Variants in GDI2 observed in about 807,000 individuals in gnomAD.
GDI2 encodes the protein rab GDP dissociation inhibitor beta.
GDI2 carries 22 observed loss-of-function variants against 54.2 expected under a neutral mutation model. The ratio of observed to expected loss-of-function variants is 0.41; its 90% CI spans 0.29 to 0.58. GDI2 has a LOEUF of 0.58. GDI2 is among the 20% of genes least tolerant of loss of function. The pLI is 0.35. For missense variants in GDI2, 422 were observed against 546.0 expected, an observed-to-expected ratio of 0.77 and a Z score of 2.26; for synonymous variants, 177 against 182.1, an observed-to-expected ratio of 0.97 and a Z score of 0.23.
chr10:5,794,811 G>C (rs944484642), intron 4 of GDI2, 74 bp downstream of exon 4: 1 of 1,013,206 alleles, frequency 9.9e-7, no homozygotes, highest in African/African-American at 1.6e-5. Flanking sequence ...TCCTCTCTAA[G>C]ACTCTTTTCC....
intron 7 of GDI2, among the ~76,000 whole-genome samples, chr10:5,770,232 G>C (rs1036646723): frequency 1.3e-5 from 2 of 152,196 alleles, no homozygotes; most frequent in South Asian, 2.1e-4. Context: ...AGAGAACGAG[G>C]AGTTATTACT....
chr10:5,810,956 T>C (rs1841470320), intron 1 of GDI2, among the ~76,000 whole-genome samples: 1 of 152,190 alleles, frequency 6.6e-6, no homozygotes, highest in African/African-American at 2.4e-5. Flanking sequence ...TCTTTAAAAG[T>C]AACAAGTTCC....
At chr10:5,798,873 G>A (rs1486100803) in intron 2 of GDI2, among the ~76,000 whole-genome samples, 3 of 4,650 alleles carry the variant, frequency 6.5e-4, no homozygotes, top group Non-Finnish European at 0.04. Flanking sequence ...TACTCAGAAG[G>A]CTGAGCATGA....
chr10:5,767,609 A>T (rs574025602), intron 8 of GDI2, among the ~76,000 whole-genome samples: 2 of 150,128 alleles, frequency 1.3e-5, no homozygotes. Flanking sequence ...TATATGGGGG[A>T]AAAAAAATCA....
intron 7 of GDI2, among the ~76,000 whole-genome samples, chr10:5,771,210 A>C (rs924618285): frequency 6.6e-6 from 1 of 152,152 alleles, no homozygotes; most frequent in African/African-American, 2.4e-5. Context: ...TTTCTCCTTG[A>C]ACAGATATAT....
At chr10:5,805,363 T>A (rs1223414903) in intron 1 of GDI2, among the ~76,000 whole-genome samples, 1 of 105,922 alleles carries the variant, frequency 9.4e-6, no homozygotes, top group African/African-American at 3.6e-5. Context: ...ATTTGCTCTT[T>A]AAAAAAAAAA....
chr10:5,802,790 G>A (rs908063389), intron 1 of GDI2, among the ~76,000 whole-genome samples: 4 of 152,158 alleles, frequency 2.6e-5, no homozygotes, highest in Middle Eastern at 3.4e-3. Flanking sequence ...TCCAAATAAC[G>A]GGTGAATGAA....
In GDI2 at chr10:5,794,188, AATATATATATATATAT is replaced by A. The variant is rs1165735549; in HGVS notation, c.388+681_388+696del. On this transcript the variant is annotated intron_variant, in intron 4 of 10. Transcript: ENST00000380191. ...TCTTTAAAAGAAAAAAAAAAAAAAA[AATATATATATATATAT>A]ATATATATATATATATATATATATA... 8.9e-3 allele frequency among the ~76,000 whole-genome samples: 355 copies of A among 40,070 alleles called. 4 individuals carry two copies. Among genetic ancestry groups the A allele is most frequent in the East Asian group, 0.028 (27 of 950 alleles). The allele number at this position is 40,070 out of a possible 152,430, so 26.3% of individuals were successfully genotyped here. A position where few individuals can be genotyped will look rare whatever the true frequency, so the allele number is the denominator to read the frequency against.
chr10:5,780,703 G>C (rs766313223), intron 6 of GDI2, among the ~76,000 whole-genome samples: 2 of 152,162 alleles, frequency 1.3e-5, no homozygotes, highest in East Asian at 1.9e-4. Context: ...TCAGTACAAA[G>C]AGATTGAACA....
intron 2 of GDI2, among the ~76,000 whole-genome samples, chr10:5,799,764 G>C (rs1841226490): frequency 1.3e-5 from 2 of 152,184 alleles, no homozygotes; most frequent in Non-Finnish European, 2.9e-5. Flanking sequence ...TGATATAATG[G>C]TATTATGCTT....
rs1841091565 is a variant in GDI2, at chr10:5,794,191, ATATATATATATATATATATATAT to A, written c.388+671_388+693del. Among the ~76,000 whole-genome samples the A allele has an allele frequency of 5.0e-3, 161 of 31,938 alleles. 13 individuals are homozygous for A. The highest frequency in any genetic ancestry group is 0.016 in the African/African-American group (126 of 7,926). 21.0% of individuals were successfully genotyped at this position (31,938 alleles called of 152,430 possible). A position where few individuals can be genotyped will look rare whatever the true frequency, so the allele number is the denominator to read the frequency against. On this transcript the variant is annotated intron_variant, in intron 4 of 10. Coordinates refer to ENST00000380191, the MANE Select transcript of GDI2 (RefSeq NM_001494.4). ...TTAAAAGAAAAAAAAAAAAAAAAAT[ATATATATATATATATATATATAT>A]ATATATATATATATATATAAAACTC...
chr10:5,807,120 G>A (rs1386739927), intron 1 of GDI2, among the ~76,000 whole-genome samples: 1 of 152,162 alleles, frequency 6.6e-6, no homozygotes, highest in Non-Finnish European at 1.5e-5. Flanking sequence ...TATTATAAAA[G>A]ACTGCTTCCA....
chr10:5,786,095 A>G, intron 4 of GDI2, 45 bp from the exon 5 acceptor site: 2 of 1,275,064 alleles, frequency 1.6e-6, no homozygotes, highest in South Asian at 1.2e-5. Flanking sequence ...ACAATCAGAC[A>G]TTGAGGAGAA....
rs1238961728 is a variant in GDI2 at position 5,766,827 on chromosome 10, C to A, written c.992-189G>T. Among the ~76,000 whole-genome samples the A allele has an allele frequency of 6.6e-6, 1 of 152,222 alleles. No homozygotes were observed. Among genetic ancestry groups the A allele is most frequent in the Non-Finnish European group, 1.5e-5 (1 of 68,030 alleles). Reference sequence around the variant, plus strand: ...CACAGATATTTAACAATAGGAATTTCTTTTAACCTACTAGAGATTAAGAAT... The same window carrying A: ...CACAGATATTTAACAATAGGAATTTATTTTAACCTACTAGAGATTAAGAAT... On this transcript the variant is annotated intron_variant, in intron 8 of 10. Coordinates refer to ENST00000380191, the MANE Select transcript of GDI2 (RefSeq NM_001494.4). The surrounding 1 kb of genome is among the most constrained non-coding windows in gnomAD (Gnocchi z 5.8).
intron 1 of GDI2, among the ~76,000 whole-genome samples, chr10:5,809,436 AC>A (rs773246192): frequency 1.3e-5 from 2 of 152,262 alleles, no homozygotes; most frequent in East Asian, 3.9e-4. Flanking sequence ...TACATCCTTG[AC>A]TTAGCATTGA....
chr10:5,801,527 T>A (rs1373728882), intron 1 of GDI2, among the ~76,000 whole-genome samples: 1 of 151,858 alleles, frequency 6.6e-6, no homozygotes, highest in Admixed American at 6.6e-5. Flanking sequence ...AAATACAAAA[T>A]TAGCCGGGCA....
intron 7 of GDI2, among the ~76,000 whole-genome samples, chr10:5,771,921 C>T (rs1422620810): frequency 6.6e-5 from 10 of 152,108 alleles, no homozygotes; most frequent in Admixed American, 6.6e-4. Flanking sequence ...GAAACCCCAT[C>T]TCTACTAAAA....
At chr10:5,800,737 A>AGTT in intron 1 of GDI2, 32 bp from the exon 2 acceptor site, 1 of 1,041,892 alleles carries the variant, frequency 9.6e-7, no homozygotes, top group Non-Finnish European at 1.5e-6. Context: ...TTGAAAAGAA[A>AGTT]GTTCTACAGC....
chr10:5,785,846 A>T lies in GDI2; in HGVS notation c.587+6T>A. On this transcript the variant is annotated splice_donor_region_variant and intron_variant, in intron 5 of 10. Transcript: ENST00000380191. ...AAAATACAAATCTAAAAACCAAAAT[A>T]CTTACTCATCAGTTCTGTAAAGTGC... The T allele has an allele frequency of 6.6e-7, 1 of 1,523,712 alleles. No homozygotes were observed. Among genetic ancestry groups the T allele is most frequent in the Non-Finnish European group, 9.0e-7 (1 of 1,108,918 alleles). 94.4% of individuals were successfully genotyped at this position (1,523,712 alleles called of 1,614,324 possible).
Sources: allele counts gnomAD v4.1 joint callset (sites outside exome capture counted in the v4.1 genomes callset), GRCh38; gene constraint gnomAD v4.1.1; non-coding constraint Gnocchi (gnomAD v3.1); transcripts MANE v1.5; gene names NCBI Gene and HGNC (gene_info 2026-07-23, HGNC 2026-07-21).